The following KIF26B variants were observed in gnomAD, a reference collection of about 807,000 sequenced individuals.
KIF26B encodes the protein kinesin family member 26B.
KIF26B carries 63 observed loss-of-function variants against 151.2 expected under a neutral mutation model. The ratio of observed to expected loss-of-function variants is 0.42; its 90% CI spans 0.34 to 0.51. KIF26B has a LOEUF of 0.51. Among genes scored for constraint, KIF26B ranks in the 20% least tolerant of loss-of-function variants. The probability of loss-of-function intolerance (pLI) is 0.07; values close to 1 mark genes in which losing one functional copy is unlikely to be tolerated. For synonymous variants in KIF26B, 1,357 were observed against 1,262.1 expected, an observed-to-expected ratio of 1.08 and a Z score of -1.59; for missense variants, 2,813 against 2,913.6, an observed-to-expected ratio of 0.97 and a Z score of 0.79.
intron 2 of KIF26B, among the ~76,000 whole-genome samples, chr1:245,282,039 G>A (rs953327064): frequency 5.9e-5 from 9 of 152,200 alleles, no homozygotes; most frequent in Admixed American, 3.9e-4. Flanking sequence ...ACTTACAAGG[G>A]ATGTGAAGGA....
intron 4 of KIF26B, among the ~76,000 whole-genome samples, chr1:245,514,678 T>G (rs1660910654): frequency 6.6e-6 from 1 of 152,168 alleles, no homozygotes; most frequent in Non-Finnish European, 1.5e-5. Flanking sequence ...TTGGCTTCTC[T>G]CCTAGACATT....
At position 245,156,432 on chromosome 1, in the gene KIF26B, G is replaced by A; in HGVS notation, c.214G>A (p.Gly72Ser). 6.5e-7 allele frequency: 1 copy of A among 1,528,188 alleles called. No individual in the cohort carries two copies. The highest frequency in any genetic ancestry group is 8.8e-7 in the Non-Finnish European group (1 of 1,140,756). The allele number at this position is 1,528,188 out of a possible 1,614,324, so 94.7% of individuals were successfully genotyped here. The change falls in exon 2 of 15, where the codon GGC becomes AGC. Residue 72 changes from glycine (G) to serine (S), a missense_variant. By Grantham distance (56) the Gly-to-Ser change is moderately conservative. Transcript: ENST00000407071. ...CGGCTCCTCGGGGACCCCGTCTCCCGGCTCGGGCACCTCGTCCCCGAGCTC... is the reference window on the plus strand; with the variant it reads ...CGGCTCCTCGGGGACCCCGTCTCCCAGCTCGGGCACCTCGTCCCCGAGCTC... Reference protein sequence around the residue: ...ALGSSGTPSPGSGTSSPSSFT... With the variant: ...ALGSSGTPSPSSGTSSPSSFT...
chr1:245,696,042 A>G (rs2044688733), intron 12 of KIF26B, among the ~76,000 whole-genome samples: 1 of 152,204 alleles, frequency 6.6e-6, no homozygotes, highest in African/African-American at 2.4e-5. Flanking sequence ...CCATCTGATC[A>G]TATCCCATCC....
chr1:245,277,632 A>G (rs576551443), intron 2 of KIF26B, among the ~76,000 whole-genome samples: 1 of 152,018 alleles, frequency 6.6e-6, no homozygotes. Flanking sequence ...ACAAACAAAC[A>G]AAAACCACTT....
intron 4 of KIF26B, among the ~76,000 whole-genome samples, chr1:245,442,758 C>T (rs77293254): frequency 1.1e-5 from 1 of 89,742 alleles, no homozygotes; most frequent in Non-Finnish European, 2.2e-5. Context: ...TGTTCACCTA[C>T]AGCGGTCATC....
chr1:245,615,948 G>T (rs1298236656), intron 9 of KIF26B, among the ~76,000 whole-genome samples: 2 of 152,202 alleles, frequency 1.3e-5, no homozygotes, highest in African/African-American at 4.8e-5. Flanking sequence ...GGACCTGGCA[G>T]CCAGAACTCA....
chr1:245,698,385 C>A lies in KIF26B; in HGVS notation c.6027+77C>A. On this transcript the variant is annotated intron_variant, in intron 13 of 14. Coordinates refer to ENST00000407071, the MANE Select transcript of KIF26B (RefSeq NM_018012.4). This position sits in a 1 kb window ranked among gnomAD's most constrained non-coding sequence, Gnocchi z 4.0. ...AAGCCTGAGCAGGTGCTAGGCAGGG[C>A]CCTGGGGAAGAAAACTCAGACCCGG... is the stretch of plus-strand genomic sequence containing the variant. The A allele has an allele frequency of 7.3e-7, 1 of 1,363,118 alleles. No homozygotes were observed. Among genetic ancestry groups the A allele is most frequent in the Non-Finnish European group, 1.0e-6 (1 of 989,124 alleles). 84.4% of individuals were successfully genotyped at this position (1,363,118 alleles called of 1,614,324 possible).
intron 3 of KIF26B, among the ~76,000 whole-genome samples, chr1:245,405,727 T>G (rs1431826153): frequency 6.6e-6 from 1 of 152,144 alleles, no homozygotes; most frequent in African/African-American, 2.4e-5. Context: ...TGGGCTTCTG[T>G]GTCTTCATGT....
At chr1:245,575,098 C>T (rs1169206799) in intron 5 of KIF26B, among the ~76,000 whole-genome samples, 4 of 151,374 alleles carry the variant, frequency 2.6e-5, no homozygotes, top group Non-Finnish European at 5.9e-5. Flanking sequence ...ATCTCCTGAC[C>T]TTGTGATCCA....
At chr1:245,237,007 G>A (rs7547227) in intron 2 of KIF26B, among the ~76,000 whole-genome samples, 59,082 of 152,078 alleles carry the variant, frequency 0.39, 12,182 homozygotes, top group East Asian at 0.71. Flanking sequence ...TCTCTGGTCC[G>A]TGTGATCACA....
Position 245,208,353 on chromosome 1 carries a change from T to C in KIF26B, c.465+51670T>C, listed in dbSNP as rs556991794. Among the ~76,000 whole-genome samples the C allele has an allele frequency of 2.6e-5, 4 of 152,354 alleles. No homozygotes were observed. In the South Asian group the frequency reaches 6.2e-4, roughly 24 times the overall value. ...TGTAATTTACATCTATCTTCCCCCATTGATAACACCAGGCCCTTGTGTTCT... is the reference window on the plus strand; with the variant it reads ...TGTAATTTACATCTATCTTCCCCCACTGATAACACCAGGCCCTTGTGTTCT... On this transcript the variant is annotated intron_variant, in intron 2 of 14. Coordinates refer to ENST00000407071, the MANE Select transcript of KIF26B (RefSeq NM_018012.4).
chr1:245,314,867 T>C lies in KIF26B; in HGVS notation c.466-51967T>C, dbSNP rs10924167. On this transcript the variant is annotated intron_variant, in intron 2 of 14. Transcript: ENST00000407071. The stretch of plus-strand genomic sequence containing the variant: ...TACATAATTAATGGTAAAATGCTAT[T>C]AGCATTATGTACTTAAATTATTTGG... Among the ~76,000 whole-genome samples the C allele has an allele frequency of 3.3e-3, 497 of 152,358 alleles. 9 individuals are homozygous for C. The East Asian group carries it at 0.051, about 15-fold the overall frequency.
intron 4 of KIF26B, among the ~76,000 whole-genome samples, chr1:245,485,058 C>G (rs1267486092): frequency 1.3e-5 from 2 of 152,166 alleles, no homozygotes; most frequent in African/African-American, 4.8e-5. Flanking sequence ...GAATGTCATT[C>G]TGACACATGC....
chr1:245,685,486 A>G lies in KIF26B; in HGVS notation c.2503A>G (p.Thr835Ala), dbSNP rs751198435. 6.2e-7 allele frequency: 1 copy of G among 1,613,764 alleles called. No individual in the cohort carries two copies. The highest frequency in any genetic ancestry group is 1.1e-5 in the South Asian group (1 of 91,060). ...GCCCACCCAGCTGAGACCCTTCCACACCAGGGCCACGGTGGACCCTGACTT... is the reference window on the plus strand; with the variant it reads ...GCCCACCCAGCTGAGACCCTTCCACGCCAGGGCCACGGTGGACCCTGACTT... Reference protein sequence around the residue: ...RRPTQLRPFHTRATVDPDFPI... With the variant: ...RRPTQLRPFHARATVDPDFPI... Residue 835 changes from threonine to alanine, a missense_variant, in exon 12 of 15, where the codon ACC becomes GCC. Around this residue, in one of 3 missense-constraint regions of KIF26B, gnomAD observed 2,060 missense variants for 2,088.6 expected, o/e 0.99. Coordinates refer to ENST00000407071, the MANE Select transcript of KIF26B (RefSeq NM_018012.4).
chr1:245,260,411 G>A (rs1456403123), intron 2 of KIF26B, among the ~76,000 whole-genome samples: 2 of 152,212 alleles, frequency 1.3e-5, no homozygotes, highest in African/African-American at 4.8e-5. Context: ...TGGCCCAAGT[G>A]CAGGTCACTT....
intron 2 of KIF26B, among the ~76,000 whole-genome samples, chr1:245,305,936 C>CAAAAAAAAA (rs55865379): frequency 9.2e-5 from 8 of 86,686 alleles, no homozygotes; most frequent in African/African-American, 8.9e-5. Context: ...GACGACTCCT[C>CAAAAAAAAA]AAAAAAAAAA....
chr1:245,407,035 G>A (rs1674151139), intron 3 of KIF26B, among the ~76,000 whole-genome samples: 3 of 152,164 alleles, frequency 2.0e-5, no homozygotes, highest in Non-Finnish European at 4.4e-5. Context: ...TGATCTGCCT[G>A]CCTTGGCCTC....
At chr1:245,623,045 T>G (rs2043682493) in intron 9 of KIF26B, among the ~76,000 whole-genome samples, 1 of 149,118 alleles carries the variant, frequency 6.7e-6, no homozygotes, top group African/African-American at 2.5e-5. Context: ...TTTTTTTTTT[T>G]TTTTTTTGTT....
rs1020630623 is a variant in KIF26B, at chr1:245,244,177, G to T, written c.465+87494G>T. On this transcript the variant is annotated intron_variant, in intron 2 of 14. Coordinates refer to ENST00000407071, the MANE Select transcript of KIF26B (RefSeq NM_018012.4). The surrounding 1 kb of genome is among the most constrained non-coding windows in gnomAD (Gnocchi z 4.2). The stretch of plus-strand genomic sequence containing the variant: ...TTGCTATGTTACCCAGGCTGATCTC[G>T]AACTCCTGGCCTCAAGCAATCTTTC... 6.6e-6 allele frequency among the ~76,000 whole-genome samples: 1 copy of T among 151,980 alleles called. No individual in the cohort carries two copies. The highest frequency in any genetic ancestry group is 2.4e-5 in the African/African-American group (1 of 41,370).
Sources: gnomAD v4.1 joint callset for allele counts (sites outside exome capture counted in the v4.1 genomes callset) on GRCh38, gnomAD v4.1.1 for gene constraint, gnomAD v4.1.1 regional missense constraint, Gnocchi (gnomAD v3.1) non-coding constraint, MANE v1.5 for transcripts, NCBI Gene and HGNC (gene_info 2026-07-23, HGNC 2026-07-21) for gene names.